The following SOX8 variants were observed in gnomAD, a reference collection of about 807,000 sequenced individuals.
The protein encoded by SOX8 is transcription factor SOX-8.
Under a neutral mutation model 22.9 loss-of-function variants are expected in SOX8, and 9 were observed. That is an observed-to-expected ratio of 0.39 (90% CI 0.24 to 0.69). The LOEUF (loss-of-function observed/expected upper bound fraction) is 0.69. SOX8 is among the 30% of genes least tolerant of loss of function. SOX8 has a pLI of 0.43. For missense variants in SOX8, 734 were observed against 699.4 expected (o/e 1.05, Z -0.56); for synonymous variants, 416 against 330.6 (o/e 1.26, Z -2.80).
rs2073431252 is a variant in SOX8, at chr16:983,875, G to A, written c.570G>A (p.Ala190=). 9 of 1,611,260 alleles carry A rather than the reference G, an allele frequency of 5.6e-6. No individual in the cohort carries two copies. The highest frequency in any genetic ancestry group is 7.6e-6 in the Non-Finnish European group (9 of 1,179,080). ...GCCACAGCGACTCCGACTCGGGCGC[G>A]GAGCTGGGACCCCACCCTGGCGGCG... ...KAGHSDSDSG[A]ELGPHPGGGA... The change falls in exon 2 of 3, where the codon GCG becomes GCA. Residue 190 remains alanine, a synonymous_variant. Coordinates refer to ENST00000293894, the MANE Select transcript of SOX8 (RefSeq NM_014587.5).
chr16:984,323 G>C (rs899146030), intron 2 of SOX8, among the ~76,000 whole-genome samples: 1 of 152,212 alleles, frequency 6.6e-6, no homozygotes, highest in Non-Finnish European at 1.5e-5. Context: ...GAGTCCTGCC[G>C]GGGCCTCGGT....
At position 986,330 on chromosome 16, in the gene SOX8, G is replaced by A. The variant is rs1179015883; in HGVS notation, c.*944G>A. On this transcript the variant is annotated 3_prime_UTR_variant, in exon 3 of 3. Coordinates refer to ENST00000293894, the MANE Select transcript of SOX8 (RefSeq NM_014587.5). ...AAGGGACCTGCCTTGTGACATCTCTGATCAGGTTGGGGTGCCCCAGCACCC... is the reference window on the plus strand; with the variant it reads ...AAGGGACCTGCCTTGTGACATCTCTAATCAGGTTGGGGTGCCCCAGCACCC... 2 of 152,296 alleles carry A rather than the reference G, an allele frequency of 1.3e-5. No individual in the cohort carries two copies. The highest frequency in any genetic ancestry group is 2.9e-5 in the Non-Finnish European group (2 of 68,070). The allele number at this position is 152,296 out of a possible 1,614,324, so 9.4% of individuals were successfully genotyped here.
At chr16:982,479 C>T (rs1010320999) in intron 1 of SOX8, 135 bp downstream of exon 1, 4 of 998,336 alleles carry the variant, frequency 4.0e-6, no homozygotes, top group African/African-American at 1.7e-5. Flanking sequence ...GCACCCCGGG[C>T]GGGTGTCAGG....
chr16:981,804 C>CGCGCTCAAAGCCAAGCCGCATGTGA lies in SOX8; in HGVS notation c.-119_-118insGCGCTCAAAGCCAAGCCGCATGTGA. The CGCGCTCAAAGCCAAGCCGCATGTGA allele has an allele frequency of 2.4e-6, 1 of 408,540 alleles. No homozygotes were observed. Among genetic ancestry groups the CGCGCTCAAAGCCAAGCCGCATGTGA allele is most frequent in the Non-Finnish European group, 3.3e-6 (1 of 300,762 alleles). The allele number at this position is 408,540 out of a possible 1,614,324, so 25.3% of individuals were successfully genotyped here. A position where few individuals can be genotyped will look rare whatever the true frequency, so the allele number is the denominator to read the frequency against. On this transcript the variant is annotated 5_prime_UTR_variant, in exon 1 of 3. In the 5' UTR this introduces an upstream ATG that the reference lacks. Coordinates refer to ENST00000293894, the MANE Select transcript of SOX8 (RefSeq NM_014587.5). ...GCCTCGGCGGCGGCGGCGGCGGCGG[C>CGCGCTCAAAGCCAAGCCGCATGTGA]AGGGGCGAGGGTCGGGGCCACCGCG... is the stretch of plus-strand genomic sequence containing the variant.
intron 1 of SOX8, chr16:983,486 G>A (rs757592639): frequency 2.0e-4 from 79 of 401,908 alleles, no homozygotes; most frequent in Non-Finnish European, 3.1e-4. Context: ...GATGGGAGGC[G>A]TGGGGCTTGT....
At position 985,023 on chromosome 16, in the gene SOX8, G is replaced by T; in HGVS notation, c.978G>T (p.Ala326=). ...ACAAGAGTGCCCCGTCGGCCTCCGC[G>T]TCGCCCACCGAGACGGGTCCCCCAC... ...WAHKSAPSAS[A]SPTETGPPRP... The change falls in exon 3 of 3, where the codon GCG becomes GCT. Residue 326 remains alanine, a synonymous_variant. Transcript: ENST00000293894. 1 of 1,561,250 alleles carries T rather than the reference G, an allele frequency of 6.4e-7. No homozygotes were observed. The highest frequency in any genetic ancestry group is 8.6e-7 in the Non-Finnish European group (1 of 1,162,550).
rs1247865559 is a variant in SOX8, at chr16:986,119, A to G, written c.*733A>G. ...CGGGCAAAGAGTAGAATTTAAGACAAAACGGAAGCTGGGAAGCTTCCCTTG... is the reference window on the plus strand; with the variant it reads ...CGGGCAAAGAGTAGAATTTAAGACAGAACGGAAGCTGGGAAGCTTCCCTTG... On this transcript the variant is annotated 3_prime_UTR_variant, in exon 3 of 3. Coordinates refer to ENST00000293894, the MANE Select transcript of SOX8 (RefSeq NM_014587.5). 1 of 152,198 alleles carries G rather than the reference A, an allele frequency of 6.6e-6. No homozygotes were observed. The highest frequency in any genetic ancestry group is 2.4e-5 in the African/African-American group (1 of 41,442). The allele number at this position is 152,198 out of a possible 1,614,324, so 9.4% of individuals were successfully genotyped here.
chr16:982,410 G>A lies in SOX8; in HGVS notation c.422+66G>A, dbSNP rs549982561. 7.8e-6 allele frequency: 10 copies of A among 1,284,026 alleles called. 1 individual carries two copies. In the South Asian group the frequency reaches 2.4e-4, roughly 31 times the overall value. 79.5% of individuals were successfully genotyped at this position (1,284,026 alleles called of 1,614,324 possible). ...CCGCCCCTGGTCTCGGACTGCGAGC[G>A]GGGGCCTGGAGGGCGCAGAGCTCGC... is the stretch of plus-strand genomic sequence containing the variant. On this transcript the variant is annotated intron_variant, in intron 1 of 2. Transcript: ENST00000293894.
At chr16:984,189 G>C (rs538270412) in intron 2 of SOX8, among the ~76,000 whole-genome samples, 1 of 152,356 alleles carries the variant, frequency 6.6e-6, no homozygotes, top group East Asian at 1.9e-4. Context: ...GCTTTGCTTG[G>C]CAGGGACCCC....
rs2073464506 is a variant in SOX8, at chr16:986,623, A to G, written c.*1237A>G. ...GTTCTAGACGAGTCATACCTGATTC[A>G]CCTGCACTGCTTCCCCTGTGTGCTG... On this transcript the variant is annotated 3_prime_UTR_variant, in exon 3 of 3. Transcript: ENST00000293894. The G allele has an allele frequency of 6.6e-6, 1 of 152,474 alleles. No homozygotes were observed. Among genetic ancestry groups the G allele is most frequent in the Non-Finnish European group, 1.5e-5 (1 of 68,056 alleles). 9.4% of individuals were successfully genotyped at this position (152,474 alleles called of 1,614,324 possible).
chr16:982,865 C>G (rs1250799668), intron 1 of SOX8: 2 of 152,894 alleles, frequency 1.3e-5, no homozygotes, highest in African/African-American at 4.8e-5. Context: ...CAGTTTCTCC[C>G]TCTCCTGGAC....
rs1296829823 is a variant in SOX8 at position 985,458 on chromosome 16, G to A, written c.*72G>A. On this transcript the variant is annotated 3_prime_UTR_variant, in exon 3 of 3. Coordinates refer to ENST00000293894, the MANE Select transcript of SOX8 (RefSeq NM_014587.5). ...GTCCCGGCCCAGTGTGTGTGACCAG[G>A]GCGGGAGGGGCCCCAGTGGCTGAGC... 3.9e-6 allele frequency: 5 copies of A among 1,280,268 alleles called. No homozygotes were observed. The highest frequency in any genetic ancestry group is 5.2e-6 in the Non-Finnish European group (5 of 960,676). 79.3% of individuals were successfully genotyped at this position (1,280,268 alleles called of 1,614,324 possible). A position where few individuals can be genotyped will look rare whatever the true frequency, so the allele number is the denominator to read the frequency against.
chr16:982,135 C>T lies in SOX8; in HGVS notation c.213C>T (p.Ala71=). 1.4e-6 allele frequency: 2 copies of T among 1,430,212 alleles called. No homozygotes were observed. The highest frequency in any genetic ancestry group is 9.2e-7 in the Non-Finnish European group (1 of 1,092,874). 88.6% of individuals were successfully genotyped at this position (1,430,212 alleles called of 1,614,324 possible). ...GCTTCCCGGCCTGCATCCGCGACGC[C>T]GTGTCGCAGGTGCTCAAGGGCTACG... ...DERFPACIRD[A]VSQVLKGYDW... The change falls in exon 1 of 3, where the codon GCC becomes GCT. Residue 71 remains alanine (A), a synonymous_variant. Transcript: ENST00000293894.
intron 2 of SOX8, among the ~76,000 whole-genome samples, chr16:984,210 GTT>G (rs2073434386): frequency 6.6e-6 from 1 of 152,252 alleles, no homozygotes; most frequent in African/African-American, 2.4e-5. Context: ...GAGAGGTGGT[GTT>G]TTCAGCAAGA....
rs571892099 is a variant in SOX8 at position 985,824 on chromosome 16, C to T, written c.*438C>T. On this transcript the variant is annotated 3_prime_UTR_variant, in exon 3 of 3. Coordinates refer to ENST00000293894, the MANE Select transcript of SOX8 (RefSeq NM_014587.5). ...ACTCAAGGCCACATTCCCTCGACAA[C>T]GGCTGCACGGGCTGTCCGGGATCCG... is the stretch of plus-strand genomic sequence containing the variant. 116 of 166,228 alleles carry T rather than the reference C, an allele frequency of 7.0e-4. No homozygotes were observed. Among genetic ancestry groups the T allele is most frequent in the African/African-American group, 2.5e-3 (104 of 42,040 alleles). 10.3% of individuals were successfully genotyped at this position (166,228 alleles called of 1,614,324 possible).
At position 985,279 on chromosome 16, in the gene SOX8, C is replaced by A. The variant is rs555677616; in HGVS notation, c.1234C>A (p.Arg412Ser). The part of the protein sequence containing the change: ...LYQYPCFHSP[R>S]RPYASPLLNG... ...CCAGTACCCCTGCTTCCACTCGCCG[C>A]GCCGGCCCTACGCCTCACCCCTGCT... The change falls in exon 3 of 3, where the codon CGC (arginine) becomes AGC (serine). Residue 412 changes from arginine (R) to serine (S), a missense_variant. Arg to Ser is a moderately radical substitution (Grantham distance 110). Transcript: ENST00000293894. 2.5e-6 allele frequency: 4 copies of A among 1,611,532 alleles called. No homozygotes were observed. Among genetic ancestry groups the A allele is most frequent in the Non-Finnish European group, 3.4e-6 (4 of 1,179,612 alleles).
Position 985,526 on chromosome 16 carries a change from C to A in SOX8, c.*140C>A. ...GTCTGCAGGGAAACACGCTTGCTGC[C>A]CGTGGCCCTCGGCCTCCAGATGGCC... On this transcript the variant is annotated 3_prime_UTR_variant, in exon 3 of 3. Coordinates refer to ENST00000293894, the MANE Select transcript of SOX8 (RefSeq NM_014587.5). 1.5e-6 allele frequency: 1 copy of A among 688,524 alleles called. No individual in the cohort carries two copies. The allele number at this position is 688,524 out of a possible 1,614,324, so 42.7% of individuals were successfully genotyped here. A position where few individuals can be genotyped will look rare whatever the true frequency, so the allele number is the denominator to read the frequency against.
Position 981,919 on chromosome 16 carries a change from C to G in SOX8, c.-4C>G. 1 of 1,284,510 alleles carries G rather than the reference C, an allele frequency of 7.8e-7. No homozygotes were observed. Among genetic ancestry groups the G allele is most frequent in the African/African-American group, 1.6e-5 (1 of 63,880 alleles). 79.6% of individuals were successfully genotyped at this position (1,284,510 alleles called of 1,614,324 possible). ...CTGTGCGCGCCCCTCCGCGCGCGGCCCCGATGCTGGACATGAGCGAGGCCC... is the reference window on the plus strand; with the variant it reads ...CTGTGCGCGCCCCTCCGCGCGCGGCGCCGATGCTGGACATGAGCGAGGCCC... On this transcript the variant is annotated 5_prime_UTR_variant, in exon 1 of 3. Transcript: ENST00000293894.
intron 1 of SOX8, 51 bp from the exon 2 acceptor site, chr16:983,677 C>CGAGG (rs1453352907): frequency 5.2e-6 from 8 of 1,551,928 alleles, no homozygotes; most frequent in East Asian, 4.5e-5. Context: ...GTGCCTGCGC[C>CGAGG]GAGGGCACAG....
Sources: gnomAD v4.1 joint callset for allele counts (sites outside exome capture counted in the v4.1 genomes callset) on GRCh38, gnomAD v4.1.1 for gene constraint, MANE v1.5 for transcripts, NCBI Gene and HGNC (gene_info 2026-07-23, HGNC 2026-07-21) for gene names.